Variants in SLC24A2 observed in about 807,000 individuals in gnomAD.
SLC24A2 encodes the protein solute carrier family 24 member 2.
In SLC24A2, 36 loss-of-function variants were observed where a neutral mutation model predicts 62.0. That is an observed-to-expected ratio of 0.58 (90% CI 0.44 to 0.77). The LOEUF (loss-of-function observed/expected upper bound fraction) is 0.77. SLC24A2 is among the 30% of genes least tolerant of loss of function. The probability of loss-of-function intolerance (pLI) is 0.00; values close to 1 mark genes in which losing one functional copy is unlikely to be tolerated. For synonymous variants in SLC24A2, 358 were observed against 294.0 expected (o/e 1.22, Z -2.23); for missense variants, 846 against 817.9 (o/e 1.03, Z -0.42).
chr9:19,848,698 C>A, the SLC24A2 span, among the ~76,000 whole-genome samples: 1 of 151,990 alleles, frequency 6.6e-6, no homozygotes, highest in Non-Finnish European at 1.5e-5. Context: ...TGTAATTTCA[C>A]ATAAAGGGTA....
the SLC24A2 span, among the ~76,000 whole-genome samples, chr9:20,255,973 G>T: frequency 6.6e-6 from 1 of 152,132 alleles, no homozygotes; most frequent in Non-Finnish European, 1.5e-5. Context: ...TCTGGAGGCT[G>T]GAAAACCCAA....
chr9:19,913,181 G>A, the SLC24A2 span, among the ~76,000 whole-genome samples: 1 of 151,926 alleles, frequency 6.6e-6, no homozygotes, highest in Non-Finnish European at 1.5e-5. Context: ...ATTTGCTAAT[G>A]ACTCCAAGAT....
chr9:19,702,479 C>T (rs1255352519), intron 2 of SLC24A2, among the ~76,000 whole-genome samples: 2 of 152,112 alleles, frequency 1.3e-5, no homozygotes, highest in African/African-American at 2.4e-5. Flanking sequence ...GGTGACTTGT[C>T]GCATAACAGA....
chr9:19,668,628 T>C (rs1046954219), intron 2 of SLC24A2, among the ~76,000 whole-genome samples: 2 of 152,184 alleles, frequency 1.3e-5, no homozygotes, highest in African/African-American at 4.8e-5. Flanking sequence ...AGCCCTCAAA[T>C]TCCCAGGCTC....
At chr9:19,520,630 T>A (rs1483334748) in intron 10 of SLC24A2, among the ~76,000 whole-genome samples, 1 of 152,044 alleles carries the variant, frequency 6.6e-6, no homozygotes, top group Non-Finnish European at 1.5e-5. Flanking sequence ...ATAAGTGAAA[T>A]TCTAAAGTAT....
At chr9:19,641,455 A>G (rs2118080024) in intron 2 of SLC24A2, among the ~76,000 whole-genome samples, 1 of 152,276 alleles carries the variant, frequency 6.6e-6, no homozygotes, top group South Asian at 2.1e-4. Context: ...GATTAGTTCA[A>G]TCACAAATTT....
chr9:19,630,934 G>A (rs1014436634), intron 2 of SLC24A2, among the ~76,000 whole-genome samples: 9 of 152,102 alleles, frequency 5.9e-5, no homozygotes, highest in African/African-American at 1.4e-4. Flanking sequence ...TTCATGTCAC[G>A]AAGATGAGTT....
intron 10 of SLC24A2, 79 bp downstream of exon 10, chr9:19,520,815 G>C (rs1044333727): frequency 8.8e-6 from 12 of 1,366,854 alleles, no homozygotes; most frequent in Admixed American, 8.4e-5. Flanking sequence ...AGAGATCCTG[G>C]TCATGTCTTT....
intron 2 of SLC24A2, among the ~76,000 whole-genome samples, chr9:19,690,727 A>G (rs906195631): frequency 1.3e-5 from 2 of 152,130 alleles, no homozygotes; most frequent in Non-Finnish European, 2.9e-5. Flanking sequence ...GCATAAATGA[A>G]CACAAGTGAT....
At chr9:19,826,587 G>A in the SLC24A2 span, among the ~76,000 whole-genome samples, 1 of 152,184 alleles carries the variant, frequency 6.6e-6, no homozygotes, top group Non-Finnish European at 1.5e-5. Flanking sequence ...CTGCCTGCAA[G>A]TTGGCCCCTT....
At chr9:19,543,336 C>T (rs1834377276) in intron 8 of SLC24A2, among the ~76,000 whole-genome samples, 1 of 151,356 alleles carries the variant, frequency 6.6e-6, no homozygotes, top group East Asian at 1.9e-4. Context: ...ATTAGTCTGG[C>T]TAGCAGTCTA....
chr9:19,998,531 A>T, the SLC24A2 span, among the ~76,000 whole-genome samples: 1 of 152,172 alleles, frequency 6.6e-6, no homozygotes, highest in Admixed American at 6.5e-5. Context: ...AAATATTAAA[A>T]ACCTGCCCAG....
At chr9:20,231,862 G>A in the SLC24A2 span, among the ~76,000 whole-genome samples, 3 of 152,228 alleles carry the variant, frequency 2.0e-5, no homozygotes, top group Non-Finnish European at 2.9e-5. Flanking sequence ...TATGATATTG[G>A]CTGTGGGTTT....
the SLC24A2 span, among the ~76,000 whole-genome samples, chr9:19,795,583 C>G: frequency 6.6e-6 from 1 of 151,428 alleles, no homozygotes; most frequent in East Asian, 1.9e-4. Context: ...GTTTTTTTTT[C>G]CAGGTACTTA....
At chr9:19,788,168 G>A (rs3808653) in intron 1 of SLC24A2, among the ~76,000 whole-genome samples, 7,787 of 152,272 alleles carry the variant, frequency 0.051, 646 homozygotes, top group East Asian at 0.41. Context: ...TCAGAGCAAA[G>A]CAAGAGCACA....
the SLC24A2 span, among the ~76,000 whole-genome samples, chr9:20,151,050 T>C: frequency 6.6e-6 from 1 of 151,926 alleles, no homozygotes; most frequent in Non-Finnish European, 1.5e-5. Flanking sequence ...GTTTCTGCTT[T>C]CCATAAGCTA....
chr9:19,785,178 C>G (rs1321297981), intron 2 of SLC24A2, among the ~76,000 whole-genome samples: 1 of 152,224 alleles, frequency 6.6e-6, no homozygotes, highest in Non-Finnish European at 1.5e-5. Flanking sequence ...GGAATTACTT[C>G]TAAGCTCTTT....
chr9:20,053,331 G>C, the SLC24A2 span, among the ~76,000 whole-genome samples: 1 of 152,166 alleles, frequency 6.6e-6, no homozygotes, highest in Non-Finnish European at 1.5e-5. Context: ...CATTGGGAAA[G>C]TGCCACAATA....
chr9:19,751,903 C>T (rs1180680217), intron 2 of SLC24A2, among the ~76,000 whole-genome samples: 1 of 152,200 alleles, frequency 6.6e-6, no homozygotes, highest in Non-Finnish European at 1.5e-5. Context: ...TTTCTGAGCA[C>T]AGGCATTATA....
Sources: allele counts gnomAD v4.1 joint callset (sites outside exome capture counted in the v4.1 genomes callset), GRCh38; gene constraint gnomAD v4.1.1; transcripts MANE v1.5; gene names NCBI Gene and HGNC (gene_info 2026-07-23, HGNC 2026-07-21).